COMMD10: variants seen among roughly 807,000 people sequenced by gnomAD.
COMMD10 encodes COMM domain-containing protein 10.
In COMMD10, 33 loss-of-function variants were observed where a neutral mutation model predicts 28.9. The ratio of observed to expected loss-of-function variants is 1.14; its 90% confidence interval spans 0.87 to 1.53. COMMD10 has a LOEUF of 1.53. Among genes scored for constraint, COMMD10 ranks in the 40% most tolerant of loss-of-function variants. The probability of loss-of-function intolerance (pLI) is 0.00; values close to 1 mark genes in which losing one functional copy is unlikely to be tolerated. For synonymous variants in COMMD10, 110 were observed against 81.7 expected (o/e 1.35, Z -1.87); for missense variants, 310 against 233.4 (o/e 1.33, Z -2.14).
Position 116,286,653 on chromosome 5 carries a change from C to T in COMMD10, c.511-4864C>T, listed in dbSNP as rs189852966. ...TGTATGAGAATGTGTTTAATTTCCACGTATTTGTAGATTTCCCAGTTTTCC... is the reference window on the plus strand; with the variant it reads ...TGTATGAGAATGTGTTTAATTTCCATGTATTTGTAGATTTCCCAGTTTTCC... On this transcript the variant is annotated intron_variant, in intron 5 of 6. Transcript: ENST00000274458. Among the ~76,000 whole-genome samples the T allele has an allele frequency of 1.8e-3, 267 of 151,694 alleles. 2 individuals are homozygous for T. The highest frequency in any genetic ancestry group is 2.7e-3 in the Non-Finnish European group (180 of 67,890).
intron 5 of COMMD10, among the ~76,000 whole-genome samples, chr5:116,205,499 C>T (rs530185397): frequency 4.7e-4 from 71 of 152,166 alleles, no homozygotes; most frequent in Non-Finnish European, 8.1e-4. Flanking sequence ...CTTTCAGTTA[C>T]GGGATTTATT....
intron 5 of COMMD10, among the ~76,000 whole-genome samples, chr5:116,230,498 A>T (rs1715070185): frequency 6.6e-6 from 1 of 152,060 alleles, no homozygotes; most frequent in South Asian, 2.1e-4. Flanking sequence ...TTTCTAATAA[A>T]TACCTGCTGA....
At chr5:116,124,210 C>T (rs1376409663) in intron 4 of COMMD10, among the ~76,000 whole-genome samples, 2 of 152,138 alleles carry the variant, frequency 1.3e-5, no homozygotes, top group African/African-American at 4.8e-5. Context: ...GCATTTAGTG[C>T]TATAAATTTC....
intron 5 of COMMD10, among the ~76,000 whole-genome samples, chr5:116,173,639 GA>G (rs1387843183): frequency 6.6e-6 from 1 of 152,020 alleles, no homozygotes; most frequent in African/African-American, 2.4e-5. Flanking sequence ...GCTATGATCT[GA>G]AGTCATTCCA....
At chr5:116,085,145 C>A in intron 1 of COMMD10, 52 bp downstream of exon 1, 3 of 1,408,162 alleles carry the variant, frequency 2.1e-6, no homozygotes, top group South Asian at 2.4e-5. Flanking sequence ...AGGCCCAGAT[C>A]GGGCTCGCAC....
chr5:116,229,243 G>A (rs904118268), intron 5 of COMMD10, among the ~76,000 whole-genome samples: 1 of 149,222 alleles, frequency 6.7e-6, no homozygotes, highest in Non-Finnish European at 1.5e-5. Context: ...GGGGCAGACA[G>A]ACACAGTAAT....
intron 5 of COMMD10, among the ~76,000 whole-genome samples, chr5:116,212,496 C>CTGTGTGTGTGTGTGTGTGTGTGTG (rs11268771): frequency 0.026 from 1,673 of 63,812 alleles, 75 homozygotes; most frequent in African/African-American, 0.051. Context: ...TACTGAAATG[C>CTGTGTGTGTGTGTGTGTGTGTGTG]TGTGTGTGTG....
chr5:116,209,386 T>G (rs929051878), intron 5 of COMMD10, among the ~76,000 whole-genome samples: 8 of 152,164 alleles, frequency 5.3e-5, no homozygotes, highest in African/African-American at 1.9e-4. Flanking sequence ...GCGCACCAAA[T>G]CTGTAGTTAA....
chr5:116,109,770 A>G (rs1236877554), intron 4 of COMMD10, among the ~76,000 whole-genome samples: 2 of 152,170 alleles, frequency 1.3e-5, no homozygotes, highest in Non-Finnish European at 2.9e-5. Flanking sequence ...TAAATCTAAG[A>G]ATTTTTCATG....
At chr5:116,117,918 A>C (rs570522570) in intron 4 of COMMD10, among the ~76,000 whole-genome samples, 1 of 152,344 alleles carries the variant, frequency 6.6e-6, no homozygotes, top group African/African-American at 2.4e-5. Context: ...TTTTTTAAAA[A>C]TGTGTCTTAT....
At chr5:116,249,145 C>T (rs1387143280) in intron 5 of COMMD10, among the ~76,000 whole-genome samples, 12 of 151,658 alleles carry the variant, frequency 7.9e-5, no homozygotes, top group Non-Finnish European at 1.8e-4. Flanking sequence ...TTCTTATTAC[C>T]TTGGTATATT....
Position 116,096,548 on chromosome 5 carries a change from A to G in COMMD10, c.399+3848A>G, listed in dbSNP as rs1439107343. Among the ~76,000 whole-genome samples, 4 of 151,692 alleles carry G rather than the reference A, an allele frequency of 2.6e-5. No homozygotes were observed. In the East Asian group the frequency reaches 7.8e-4, roughly 29 times the overall value. On this transcript the variant is annotated intron_variant, in intron 4 of 6. Coordinates refer to ENST00000274458, the MANE Select transcript of COMMD10 (RefSeq NM_016144.4). ...GTTGTCTGTGAATAAAGACAGTTTT[A>G]TTTCTTCCTTTTCAATCTGTAGAGC...
rs374395006 is a variant in COMMD10, at chr5:116,185,126, G to A, written c.510+50948G>A. Among the ~76,000 whole-genome samples, 3 of 152,182 alleles carry A rather than the reference G, an allele frequency of 2.0e-5. No individual in the cohort carries two copies. The East Asian group carries it at 5.8e-4, about 29-fold the overall frequency. On this transcript the variant is annotated intron_variant, in intron 5 of 6. Coordinates refer to ENST00000274458, the MANE Select transcript of COMMD10 (RefSeq NM_016144.4). Reference sequence around the variant, plus strand: ...AGGGAGATATAAGTACAAGTTCCTCGTTATTTCTTAGAGCTTTGCGCCCAT... The same window carrying A: ...AGGGAGATATAAGTACAAGTTCCTCATTATTTCTTAGAGCTTTGCGCCCAT...
intron 5 of COMMD10, among the ~76,000 whole-genome samples, chr5:116,162,180 C>G (rs7706670): frequency 6.6e-6 from 1 of 151,890 alleles, no homozygotes; most frequent in Non-Finnish European, 1.5e-5. Flanking sequence ...TAGATAAGTA[C>G]AATAATTTAT....
chr5:116,087,432 A>C (rs968291763), intron 1 of COMMD10, 65 bp from the exon 2 acceptor site: 4 of 939,958 alleles, frequency 4.3e-6, no homozygotes, highest in African/African-American at 1.6e-5. Context: ...CTTATAGACA[A>C]CTATAGAAAG....
chr5:116,178,367 A>G (rs1747817835), intron 5 of COMMD10, among the ~76,000 whole-genome samples: 1 of 152,114 alleles, frequency 6.6e-6, no homozygotes, highest in South Asian at 2.1e-4. Context: ...AGTAAGATTA[A>G]AGCCTTAAAC....
intron 5 of COMMD10, among the ~76,000 whole-genome samples, chr5:116,151,472 G>A (rs1752525586): frequency 6.6e-6 from 1 of 152,176 alleles, no homozygotes; most frequent in Non-Finnish European, 1.5e-5. Context: ...GAATTCGGCT[G>A]TGAATCCATC....
At chr5:116,185,604 C>A (rs995498349) in intron 5 of COMMD10, among the ~76,000 whole-genome samples, 2 of 151,976 alleles carry the variant, frequency 1.3e-5, no homozygotes, top group Non-Finnish European at 2.9e-5. Flanking sequence ...GCATGGAGTT[C>A]TCTGAGAACA....
chr5:116,259,316 G>A (rs1001188724), intron 5 of COMMD10, among the ~76,000 whole-genome samples: 12 of 151,264 alleles, frequency 7.9e-5, no homozygotes, highest in African/African-American at 2.7e-4. Context: ...TCTTTTTTAA[G>A]GCTTTGTATT....
Sources: allele counts gnomAD v4.1 joint callset (sites outside exome capture counted in the v4.1 genomes callset), GRCh38; gene constraint gnomAD v4.1.1; transcripts MANE v1.5; gene names NCBI Gene and HGNC (gene_info 2026-07-23, HGNC 2026-07-21).